The following SOAT1 variants were observed in gnomAD, a reference collection of about 807,000 sequenced individuals.
SOAT1 encodes the protein sterol O-acyltransferase 1.
A neutral mutation model predicts 69.5 loss-of-function variants in SOAT1; 55 were observed. The ratio of observed to expected loss-of-function variants is 0.79; its 90% CI spans 0.64 to 0.99. The LOEUF (loss-of-function observed/expected upper bound fraction) is 0.99, where lower values mean the gene tolerates loss of function less well. Among genes scored for constraint, SOAT1 ranks in the 50% least tolerant of loss-of-function variants. The probability of loss-of-function intolerance (pLI) is 0.00; values close to 1 mark genes in which losing one functional copy is unlikely to be tolerated. For missense variants in SOAT1, 580 were observed against 669.3 expected, an observed-to-expected ratio of 0.87 and a Z score of 1.47; for synonymous variants, 231 against 224.7, an observed-to-expected ratio of 1.03 and a Z score of -0.25.
chr1:179,301,457 C>G lies in SOAT1; in HGVS notation c.-8-1220C>G, dbSNP rs1476308519. Among the ~76,000 whole-genome samples, 4 of 152,090 alleles carry G rather than the reference C, an allele frequency of 2.6e-5. No individual in the cohort carries two copies. In the East Asian group the frequency reaches 7.7e-4, roughly 29 times the overall value. ...AGTTAGTGGTCTTTGTAGTTTGGATCCAACTAATGCCAGTTCCAATCGGGC... is the reference window on the plus strand; with the variant it reads ...AGTTAGTGGTCTTTGTAGTTTGGATGCAACTAATGCCAGTTCCAATCGGGC... On this transcript the variant is annotated intron_variant, in intron 1 of 15. Coordinates refer to ENST00000367619, the MANE Select transcript of SOAT1 (RefSeq NM_003101.6).
intron 6 of SOAT1, among the ~76,000 whole-genome samples, chr1:179,340,578 T>C (rs1168314588): frequency 2.0e-5 from 3 of 152,178 alleles, no homozygotes; most frequent in Non-Finnish European, 4.4e-5. Flanking sequence ...AGTTTGGAGA[T>C]AATGGTATAG....
intron 14 of SOAT1, among the ~76,000 whole-genome samples, chr1:179,350,655 T>A (rs1229312195): frequency 6.6e-6 from 1 of 152,206 alleles, no homozygotes; most frequent in African/African-American, 2.4e-5. Context: ...GGTAACCTCA[T>A]GAAGACCATT....
intron 1 of SOAT1, among the ~76,000 whole-genome samples, chr1:179,294,572 G>T (rs1664564664): frequency 6.6e-6 from 1 of 152,184 alleles, no homozygotes; most frequent in Non-Finnish European, 1.5e-5. Context: ...TCGCTGTGTC[G>T]CAAGGCTGGA....
At chr1:179,311,620 A>G (rs1571413228) in intron 2 of SOAT1, among the ~76,000 whole-genome samples, 1 of 152,272 alleles carries the variant, frequency 6.6e-6, no homozygotes, top group African/African-American at 2.4e-5. Context: ...TTTTGCCATT[A>G]TATTACTATT....
At position 179,324,799 on chromosome 1, in the gene SOAT1, G is replaced by GTTTT. The variant is rs1434611752; in HGVS notation, c.177+1307_177+1308insTTTT. ...ATATTTAACGTATAGACACATGCTA[G>GTTTT]TTTGTTTGTTTGTTTGTTTGTTTTT... On this transcript the variant is annotated intron_variant, in intron 3 of 15. Coordinates refer to ENST00000367619, the MANE Select transcript of SOAT1 (RefSeq NM_003101.6). 1.3e-4 allele frequency among the ~76,000 whole-genome samples: 5 copies of GTTTT among 38,876 alleles called. No homozygotes were observed. In the East Asian group the frequency reaches 0.03, roughly 232 times the overall value. The allele number at this position is 38,876 out of a possible 152,430, so 25.5% of individuals were successfully genotyped here.
chr1:179,342,769 C>A (rs937473323), intron 8 of SOAT1, 93 bp from the exon 9 acceptor site: 1 of 823,968 alleles, frequency 1.2e-6, no homozygotes. Flanking sequence ...TCATTTTATT[C>A]TTCCCTGTTC....
chr1:179,337,970 A>G (rs915601901), intron 5 of SOAT1, 74 bp downstream of exon 5: 9 of 1,034,070 alleles, frequency 8.7e-6, no homozygotes, highest in East Asian at 7.7e-5. Flanking sequence ...TGCTTAGTAT[A>G]TGGACATGTA....
At chr1:179,316,610 C>T (rs1433316177) in intron 2 of SOAT1, among the ~76,000 whole-genome samples, 1 of 152,184 alleles carries the variant, frequency 6.6e-6, no homozygotes, top group Non-Finnish European at 1.5e-5. Context: ...TCAGGCTGGT[C>T]TCAAACTGCC....
chr1:179,305,921 A>G (rs1189364199), intron 2 of SOAT1, among the ~76,000 whole-genome samples: 1 of 152,250 alleles, frequency 6.6e-6, no homozygotes, highest in Non-Finnish European at 1.5e-5. Flanking sequence ...TAAGTGAGTT[A>G]TAGTAACCAA....
Position 179,343,600 on chromosome 1 carries a change from G to A in SOAT1, c.952G>A (p.Val318Ile). 1 of 1,610,960 alleles carries A rather than the reference G, an allele frequency of 6.2e-7. No individual in the cohort carries two copies. Among genetic ancestry groups the A allele is most frequent in the Middle Eastern group, 1.7e-4 (1 of 5,900 alleles). Residue 318 changes from valine to isoleucine, a missense_variant, in exon 10 of 16, where the codon GTA becomes ATA. Coordinates refer to ENST00000367619, the MANE Select transcript of SOAT1 (RefSeq NM_003101.6). ...TTCTTTCTTTTTCAGGAATCCCACTGTAAGATGGGGTTATGTCGCTATGAA... is the reference window on the plus strand; with the variant it reads ...TTCTTTCTTTTTCAGGAATCCCACTATAAGATGGGGTTATGTCGCTATGAA... ...YRDSYPRNPT[V>I]RWGYVAMKFA...
chr1:179,294,044 T>G (rs909540505), intron 1 of SOAT1, 108 bp downstream of exon 1: 20 of 148,378 alleles, frequency 1.3e-4, no homozygotes, highest in African/African-American at 4.9e-4. Context: ...CCCGGCCTTG[T>G]CCTGGGCTGT....
intron 11 of SOAT1, among the ~76,000 whole-genome samples, chr1:179,346,686 G>A (rs548581634): frequency 1.3e-5 from 2 of 152,234 alleles, no homozygotes; most frequent in East Asian, 1.9e-4. Context: ...TTCTTTGTTT[G>A]GAGTGGCATT....
At chr1:179,317,309 G>A (rs1034013421) in intron 2 of SOAT1, among the ~76,000 whole-genome samples, 5 of 152,124 alleles carry the variant, frequency 3.3e-5, no homozygotes, top group Non-Finnish European at 5.9e-5. Flanking sequence ...CGAGGCGGGC[G>A]GATCACGAGG....
chr1:179,338,404 C>G (rs1240899639), intron 5 of SOAT1, among the ~76,000 whole-genome samples: 1 of 152,106 alleles, frequency 6.6e-6, no homozygotes, highest in Non-Finnish European at 1.5e-5. Flanking sequence ...GCCTGGGTGA[C>G]AGAGCAAGGC....
intron 3 of SOAT1, 70 bp from the exon 4 acceptor site, chr1:179,335,436 T>A: frequency 7.2e-7 from 1 of 1,389,988 alleles, no homozygotes; most frequent in Non-Finnish European, 9.9e-7. Context: ...AAGGGAGCCC[T>A]TTAGAGAAAT....
At chr1:179,305,516 T>C (rs139011052) in intron 2 of SOAT1, among the ~76,000 whole-genome samples, 1 of 152,270 alleles carries the variant, frequency 6.6e-6, no homozygotes, top group Admixed American at 6.5e-5. Flanking sequence ...TTACAATGAT[T>C]GGCTATTATG....
In SOAT1 at chr1:179,335,463, C is replaced by T. The variant is rs1666114176; in HGVS notation, c.178-43C>T. On this transcript the variant is annotated intron_variant, in intron 3 of 15. Transcript: ENST00000367619. Reference sequence around the variant, plus strand: ...TAGAGAAATGCTAATGACTCACAAGCATGTATTAGTTCCCCATCTTTTTCT... The same window carrying T: ...TAGAGAAATGCTAATGACTCACAAGTATGTATTAGTTCCCCATCTTTTTCT... 3 of 1,542,326 alleles carry T rather than the reference C, an allele frequency of 1.9e-6. No homozygotes were observed. In the African/African-American group the frequency reaches 4.1e-5, roughly 21 times the overall value.
chr1:179,336,470 CAAAAAAA>C (rs71569242), intron 4 of SOAT1, among the ~76,000 whole-genome samples: 3 of 79,068 alleles, frequency 3.8e-5, no homozygotes, highest in Admixed American at 1.5e-4. Context: ...ACCCTGTCTC[CAAAAAAA>C]AAAAAAAAAA....
rs536851899 is a variant in SOAT1, at chr1:179,342,091, T to C, written c.781-23T>C. 10 of 1,613,112 alleles carry C rather than the reference T, an allele frequency of 6.2e-6. No individual in the cohort carries two copies. The South Asian group carries it at 1.1e-4, about 18-fold the overall frequency. ...GCAGGAGACTTTCTTTGAAGAGACATCTTTTTCCTCCTGCTTTTGTAGATT... is the reference window on the plus strand; with the variant it reads ...GCAGGAGACTTTCTTTGAAGAGACACCTTTTTCCTCCTGCTTTTGTAGATT... On this transcript the variant is annotated intron_variant, in intron 7 of 15. Transcript: ENST00000367619.
Sources: gnomAD v4.1 joint callset for allele counts (sites outside exome capture counted in the v4.1 genomes callset) on GRCh38, gnomAD v4.1.1 for gene constraint, MANE v1.5 for transcripts, NCBI Gene and HGNC (gene_info 2026-07-23, HGNC 2026-07-21) for gene names.